The following THADA variants were observed in gnomAD, a reference collection of about 807,000 sequenced individuals.
THADA encodes tRNA (32-2'-O)-methyltransferase regulator THADA.
In THADA, 213 loss-of-function variants were observed where a neutral mutation model predicts 219.8. That is an observed-to-expected ratio of 0.97 (90% CI 0.87 to 1.09). The LOEUF (loss-of-function observed/expected upper bound fraction) is 1.09, where lower values mean the gene tolerates loss of function less well. Ranked by LOEUF, THADA falls within the 50% of genes least tolerant of loss-of-function variation. The pLI, the probability that THADA is intolerant of heterozygous loss-of-function variation, is 0.00. For synonymous variants in THADA, 1,018 were observed against 828.9 expected (o/e 1.23, Z -3.92); for missense variants, 2,956 against 2,311.3 (o/e 1.28, Z -5.72).
At chr2:43,386,951 C>T (rs376271114) in intron 29 of THADA, among the ~76,000 whole-genome samples, 1 of 151,682 alleles carries the variant, frequency 6.6e-6, no homozygotes, top group South Asian at 2.1e-4. Flanking sequence ...GTTCAGTACC[C>T]GTTAGATTTA....
rs186918532 is a variant in THADA at position 43,371,191 on chromosome 2, T to A, written c.4227+26780A>T. Among the ~76,000 whole-genome samples, 93 of 152,362 alleles carry A rather than the reference T, an allele frequency of 6.1e-4. 1 individual carries two copies. Among genetic ancestry groups the A allele is most frequent in the Admixed American group, 1.1e-3 (17 of 15,306 alleles). ...AGCTTCAGTCCTTGGGGAACCTTTTTAGATAAAGAATATCCTCTTCATAGT... is the reference window on the plus strand; with the variant it reads ...AGCTTCAGTCCTTGGGGAACCTTTTAAGATAAAGAATATCCTCTTCATAGT... On this transcript the variant is annotated intron_variant, in intron 29 of 37. Transcript: ENST00000405975.
chr2:43,586,711 G>T lies in THADA; in HGVS notation c.475C>A (p.Leu159Ile). Reference sequence around the variant, plus strand: ...AAATAATAGGACTTACCATTTTTAAGCAGATTATTAACACTTGCTCTACCT... The same window carrying T: ...AAATAATAGGACTTACCATTTTTAATCAGATTATTAACACTTGCTCTACCT... ...NLGRASVNNL[L>I]KNVLHFLQKS... The change falls in exon 6 of 38, where the codon CTT (leucine) becomes ATT (isoleucine). Residue 159 changes from leucine to isoleucine, a missense_variant. Leu to Ile is a conservative substitution (Grantham distance 5). Transcript: ENST00000405975. 6.2e-7 allele frequency: 1 copy of T among 1,611,610 alleles called. No homozygotes were observed. Among genetic ancestry groups the T allele is most frequent in the Non-Finnish European group, 8.5e-7 (1 of 1,179,402 alleles).
intron 20 of THADA, 51 bp from the exon 21 acceptor site, chr2:43,541,367 G>C: frequency 6.3e-7 from 1 of 1,595,936 alleles, no homozygotes; most frequent in Non-Finnish European, 8.5e-7. Flanking sequence ...TCATATCCCA[G>C]GTTTCTAAAA....
chr2:43,286,840 T>A, intron 35 of THADA, 68 bp downstream of exon 35: 1 of 1,553,536 alleles, frequency 6.4e-7, no homozygotes, highest in Non-Finnish European at 8.8e-7. Flanking sequence ...TCCCTTTTTT[T>A]AGGCAAGAAT....
At chr2:43,331,837 A>C (rs1446168527) in intron 30 of THADA, among the ~76,000 whole-genome samples, 1 of 151,840 alleles carries the variant, frequency 6.6e-6, no homozygotes, top group East Asian at 1.9e-4. Flanking sequence ...ATGTACTTCT[A>C]TGTATTTCAC....
intron 8 of THADA, 132 bp downstream of exon 8, chr2:43,581,609 G>T: frequency 2.1e-5 from 13 of 622,498 alleles, no homozygotes; most frequent in Non-Finnish European, 2.5e-5. Context: ...CTCCATTTTT[G>T]AGAGGCTGAG....
chr2:43,529,271 T>G (rs552983891), intron 21 of THADA, among the ~76,000 whole-genome samples: 2 of 152,250 alleles, frequency 1.3e-5, no homozygotes, highest in South Asian at 4.1e-4. Context: ...GAGGTTACAG[T>G]AATACTCCCA....
chr2:43,495,888 T>C (rs1688218278), intron 25 of THADA, among the ~76,000 whole-genome samples: 3 of 152,190 alleles, frequency 2.0e-5, no homozygotes, highest in African/African-American at 7.2e-5. Context: ...GTATAAAAGG[T>C]AAACTCTGTG....
chr2:43,555,394 A>ATG (rs1491458617), intron 17 of THADA, among the ~76,000 whole-genome samples: 2 of 148,450 alleles, frequency 1.3e-5, no homozygotes, highest in Admixed American at 6.6e-5. Context: ...TATATATTAC[A>ATG]TGTATATATA....
intron 36 of THADA, among the ~76,000 whole-genome samples, chr2:43,251,587 G>A (rs939377760): frequency 6.6e-6 from 1 of 152,238 alleles, no homozygotes; most frequent in Non-Finnish European, 1.5e-5. Flanking sequence ...CTAAGGTACT[G>A]TGGGACTGTG....
intron 29 of THADA, among the ~76,000 whole-genome samples, chr2:43,385,082 A>G (rs1254831809): frequency 6.6e-6 from 1 of 152,120 alleles, no homozygotes; most frequent in East Asian, 1.9e-4. Flanking sequence ...CAGAGTTTGC[A>G]GTGAGCCAAC....
chr2:43,337,798 T>A (rs140406121), intron 30 of THADA, among the ~76,000 whole-genome samples: 267 of 152,128 alleles, frequency 1.8e-3, no homozygotes, highest in African/African-American at 6.3e-3. Context: ...ATGCCAGCAA[T>A]GGTTAGGTAA....
At chr2:43,356,892 C>T (rs1480815072) in intron 29 of THADA, among the ~76,000 whole-genome samples, 1 of 152,198 alleles carries the variant, frequency 6.6e-6, no homozygotes, top group Non-Finnish European at 1.5e-5. Flanking sequence ...ATTCTTGTTC[C>T]ACATGGATTT....
chr2:43,593,977 G>C (rs957938396), intron 1 of THADA, among the ~76,000 whole-genome samples: 21 of 152,110 alleles, frequency 1.4e-4, no homozygotes, highest in Non-Finnish European at 2.5e-4. Flanking sequence ...GTCAGTACAA[G>C]CTACAGGGAA....
chr2:43,267,555 A>C (rs1406761815), intron 36 of THADA, among the ~76,000 whole-genome samples: 1 of 152,208 alleles, frequency 6.6e-6, no homozygotes, highest in East Asian at 1.9e-4. Flanking sequence ...TCTTTGGCTG[A>C]GATCTGTGGC....
chr2:43,369,258 T>TA (rs1670525947), intron 29 of THADA, among the ~76,000 whole-genome samples: 1 of 152,208 alleles, frequency 6.6e-6, no homozygotes, highest in Non-Finnish European at 1.5e-5. Context: ...GTGTCCTCCT[T>TA]ACTCATGTCT....
At chr2:43,338,790 G>A (rs1205784537) in intron 30 of THADA, among the ~76,000 whole-genome samples, 1 of 152,108 alleles carries the variant, frequency 6.6e-6, no homozygotes, top group South Asian at 2.1e-4. Context: ...CTGTTTCCAT[G>A]TTTTAGCTAT....
At chr2:43,487,140 C>T (rs1303476549) in intron 25 of THADA, among the ~76,000 whole-genome samples, 2 of 152,168 alleles carry the variant, frequency 1.3e-5, no homozygotes, top group African/African-American at 4.8e-5. Context: ...CATGCTGTTA[C>T]TTTATCAATA....
intron 20 of THADA, among the ~76,000 whole-genome samples, chr2:43,542,881 T>C (rs1448103811): frequency 3.3e-5 from 5 of 152,146 alleles, no homozygotes; most frequent in Non-Finnish European, 7.4e-5. Flanking sequence ...TTTATTATTA[T>C]TATACTTTAA....
Sources: gnomAD v4.1 joint callset for allele counts (sites outside exome capture counted in the v4.1 genomes callset) on GRCh38, gnomAD v4.1.1 for gene constraint, MANE v1.5 for transcripts, NCBI Gene and HGNC (gene_info 2026-07-23, HGNC 2026-07-21) for gene names.